Variants in ASXL3 observed in about 807,000 individuals in gnomAD.
ASXL3 encodes putative Polycomb group protein ASXL3.
A neutral mutation model predicts 170.6 loss-of-function variants in ASXL3; 34 were observed. The ratio of observed to expected loss-of-function variants is 0.20; its 90% CI spans 0.15 to 0.27. The LOEUF (loss-of-function observed/expected upper bound fraction) is 0.27, where lower values mean the gene tolerates loss of function less well. ASXL3 is among the 10% of genes least tolerant of loss of function. The pLI is 1.00. For synonymous variants in ASXL3, 1,002 were observed against 989.1 expected, an observed-to-expected ratio of 1.01 and a Z score of -0.24; for missense variants, 2,592 against 2,695.3, an observed-to-expected ratio of 0.96 and a Z score of 0.85.
intron 7 of ASXL3, among the ~76,000 whole-genome samples, 161 bp from the exon 8 acceptor site, chr18:33,683,244 T>G (rs2066542421): frequency 6.6e-6 from 1 of 152,184 alleles, no homozygotes; most frequent in Non-Finnish European, 1.5e-5. Context: ...GAAGAAGCTT[T>G]GGGAATTTCT....
chr18:33,703,988 C>A (rs947760307), intron 8 of ASXL3, among the ~76,000 whole-genome samples: 1 of 152,014 alleles, frequency 6.6e-6, no homozygotes, highest in African/African-American at 2.4e-5. Flanking sequence ...TTTTATGTAA[C>A]TTTTTTATAT....
At chr18:33,647,811 G>A (rs571226492) in intron 4 of ASXL3, among the ~76,000 whole-genome samples, 1 of 152,166 alleles carries the variant, frequency 6.6e-6, no homozygotes, top group African/African-American at 2.4e-5. Flanking sequence ...TATCTAAAAT[G>A]TATAGGTTAT....
At chr18:33,703,649 A>G (rs2066914076) in intron 8 of ASXL3, among the ~76,000 whole-genome samples, 1 of 151,892 alleles carries the variant, frequency 6.6e-6, no homozygotes, top group African/African-American at 2.4e-5. Context: ...GGGAGGATAA[A>G]TCACTCCCCC....
intron 5 of ASXL3, among the ~76,000 whole-genome samples, chr18:33,663,096 A>G (rs912585158): frequency 2.0e-5 from 3 of 152,204 alleles, no homozygotes; most frequent in African/African-American, 7.2e-5. Context: ...AATGTTTTAG[A>G]TGCCAGAGAA....
chr18:33,733,028 C>T (rs1233832798), intron 9 of ASXL3, among the ~76,000 whole-genome samples: 4 of 152,100 alleles, frequency 2.6e-5, no homozygotes, highest in African/African-American at 7.2e-5. Flanking sequence ...TCTTGGGCTA[C>T]GTTTCTGCCA....
In ASXL3 at chr18:33,655,963, A is replaced by T. The variant is rs113262071; in HGVS notation, c.356-5653A>T. On this transcript the variant is annotated intron_variant, in intron 4 of 11. Transcript: ENST00000269197. ...CATTGTTCTTTGAAAACATTTTTTA[A>T]AAATTCTTATGGCCTCCAACTCAGG... 9.0e-3 allele frequency among the ~76,000 whole-genome samples: 1,368 copies of T among 152,110 alleles called. 9 individuals are homozygous for T. The highest frequency in any genetic ancestry group is 0.015 in the Admixed American group (230 of 15,254).
intron 5 of ASXL3, among the ~76,000 whole-genome samples, chr18:33,663,453 T>C (rs945798512): frequency 6.6e-6 from 1 of 152,176 alleles, no homozygotes; most frequent in African/African-American, 2.4e-5. Flanking sequence ...TATTTGAACA[T>C]TTTTTACGAT....
chr18:33,734,044 T>TGCTTTAGCATTCTTCTAAAGCATTTA lies in ASXL3; in HGVS notation c.977-202_977-177dup, dbSNP rs767463741. On this transcript the variant is annotated intron_variant, in intron 9 of 11. Coordinates refer to ENST00000269197, the MANE Select transcript of ASXL3 (RefSeq NM_030632.3). ...CCTAGCAGGTAATACATTTGCTAAATGCTTTAGCATTCTTCTAAAGCATTT... is the reference window on the plus strand; with the variant it reads ...CCTAGCAGGTAATACATTTGCTAAATGCTTTAGCATTCTTCTAAAGCATTTAGCTTTAGCATTCTTCTAAAGCATTT... Among the ~76,000 whole-genome samples the TGCTTTAGCATTCTTCTAAAGCATTTA allele has an allele frequency of 0.4, 33,922 of 84,924 alleles. 13,008 individuals are homozygous for TGCTTTAGCATTCTTCTAAAGCATTTA. The highest frequency in any genetic ancestry group is 0.91 in the East Asian group (2,299 of 2,538). 55.7% of individuals were successfully genotyped at this position (84,924 alleles called of 152,430 possible).
At chr18:33,645,779 A>T (rs1434064690) in intron 3 of ASXL3, among the ~76,000 whole-genome samples, 1 of 151,944 alleles carries the variant, frequency 6.6e-6, no homozygotes, top group East Asian at 1.9e-4. Flanking sequence ...CAAAAGTTAG[A>T]CAACAAAGCA....
At chr18:33,644,189 G>C (rs2065884747) in intron 2 of ASXL3, among the ~76,000 whole-genome samples, 1 of 151,870 alleles carries the variant, frequency 6.6e-6, no homozygotes, top group Non-Finnish European at 1.5e-5. Flanking sequence ...TTTAAAAAGT[G>C]ATCTGATATT....
chr18:33,659,955 C>T (rs906074419), intron 4 of ASXL3, among the ~76,000 whole-genome samples: 9 of 151,998 alleles, frequency 5.9e-5, no homozygotes, highest in African/African-American at 1.7e-4. Context: ...GACTTGTTTC[C>T]CCCTGCCTTT....
chr18:33,698,574 A>C (rs1426393415), intron 8 of ASXL3, among the ~76,000 whole-genome samples: 2 of 152,114 alleles, frequency 1.3e-5, no homozygotes, highest in Non-Finnish European at 2.9e-5. Context: ...TAAAACCATG[A>C]ATATAAACAA....
chr18:33,686,339 A>G (rs774829239), intron 8 of ASXL3, among the ~76,000 whole-genome samples: 4 of 152,248 alleles, frequency 2.6e-5, no homozygotes, highest in Non-Finnish European at 5.9e-5. Context: ...CACTACTAGA[A>G]AACAAGTTTA....
chr18:33,709,449 T>C (rs372059450), intron 8 of ASXL3, among the ~76,000 whole-genome samples: 1 of 152,162 alleles, frequency 6.6e-6, no homozygotes, highest in South Asian at 2.1e-4. Flanking sequence ...GAATTTACAA[T>C]GAGAATGAAC....
Position 33,739,470 on chromosome 18 carries a change from T to C in ASXL3, c.2066T>C (p.Ile689Thr), listed in dbSNP as rs1351722560. ...TCTCCAATATCCACTTCACCTGAAA[T>C]ATCAGAAGCATCTCTTATGTCCAAC... The part of the protein sequence containing the change: ...EISPISTSPE[I>T]SEASLMSNLP... Residue 689 changes from isoleucine (I) to threonine (T), a missense_variant, in exon 11 of 12, where the codon ATA becomes ACA. Ile to Thr is a moderately conservative substitution (Grantham distance 89). This residue lies in a region of ASXL3 where 2,246 missense variants were observed against 2,219.6 expected (regional missense o/e 1.01). Transcript: ENST00000269197. The C allele has an allele frequency of 6.2e-7, 1 of 1,613,968 alleles. No homozygotes were observed. Among genetic ancestry groups the C allele is most frequent in the East Asian group, 2.2e-5 (1 of 44,884 alleles).
At position 33,745,532 on chromosome 18, in the gene ASXL3, A is replaced by G. The variant is rs1313304671; in HGVS notation, c.5684A>G (p.Lys1895Arg). 1.2e-6 allele frequency: 2 copies of G among 1,614,020 alleles called. No individual in the cohort carries two copies. The highest frequency in any genetic ancestry group is 1.1e-5 in the South Asian group (1 of 91,088). Residue 1895 changes from lysine to arginine, a missense_variant, in exon 12 of 12, where the codon AAA becomes AGA. Lys to Arg is a conservative substitution (Grantham distance 26). Transcript: ENST00000269197. ...AGAATTGTTCACAGCCCTGAGGTCA[A>G]ACAGCAAAAGCGGCTGCTCCCCTCG... The part of the protein sequence containing the change: ...QNRIVHSPEV[K>R]QQKRLLPSCS...
At chr18:33,707,951 T>C (rs1028152909) in intron 8 of ASXL3, among the ~76,000 whole-genome samples, 1 of 152,160 alleles carries the variant, frequency 6.6e-6, no homozygotes, top group African/African-American at 2.4e-5. Context: ...GTTTTAGATA[T>C]TAAATGATCC....
At chr18:33,675,888 CCTCAAT>C (rs774757685) in intron 7 of ASXL3, among the ~76,000 whole-genome samples, 2 of 151,918 alleles carry the variant, frequency 1.3e-5, no homozygotes, top group African/African-American at 2.4e-5. Context: ...CTTCAAAATT[CCTCAAT>C]CTCAATTTTA....
chr18:33,609,641 A>G (rs1231042270), intron 2 of ASXL3, among the ~76,000 whole-genome samples: 4 of 152,154 alleles, frequency 2.6e-5, no homozygotes, highest in Admixed American at 6.6e-5. Flanking sequence ...AATGGGAAAC[A>G]TAACTCCCTA....
Sources: allele counts gnomAD v4.1 joint callset (sites outside exome capture counted in the v4.1 genomes callset), GRCh38; gene constraint gnomAD v4.1.1; regional missense constraint gnomAD v4.1.1; transcripts MANE v1.5; gene names NCBI Gene and HGNC (gene_info 2026-07-23, HGNC 2026-07-21).